The following RNF220 variants were observed in gnomAD, a reference collection of about 807,000 sequenced individuals.
The protein encoded by RNF220 is E3 ubiquitin-protein ligase RNF220.
A neutral mutation model predicts 67.1 loss-of-function variants in RNF220; 7 were observed. The ratio of observed to expected loss-of-function variants is 0.10; its 90% CI spans 0.06 to 0.20. The LOEUF (loss-of-function observed/expected upper bound fraction) is 0.20. Ranked by LOEUF, RNF220 falls within the 10% of genes least tolerant of loss-of-function variation. RNF220 has a pLI of 1.00. For missense variants in RNF220, 565 were observed against 740.3 expected (o/e 0.76, Z 2.75); for synonymous variants, 270 against 283.2 (o/e 0.95, Z 0.47).
In RNF220 at chr1:44,499,303, C is replaced by T. The variant is rs539946689; in HGVS notation, c.625+86581C>T. Among the ~76,000 whole-genome samples the T allele has an allele frequency of 1.9e-4, 29 of 152,202 alleles. No homozygotes were observed. In the South Asian group the frequency reaches 6.0e-3, roughly 32 times the overall value. The stretch of plus-strand genomic sequence containing the variant: ...TAGCTACCTCTCCATTTCTCTGTTC[C>T]CCTTTAGGTCACCCCCTCTCCTTTC... On this transcript the variant is annotated intron_variant, in intron 2 of 14. Coordinates refer to ENST00000361799, the MANE Select transcript of RNF220 (RefSeq NM_018150.4).
intron 2 of RNF220, among the ~76,000 whole-genome samples, chr1:44,514,311 C>G (rs1238535425): frequency 6.6e-6 from 1 of 152,178 alleles, no homozygotes; most frequent in Admixed American, 6.5e-5. Context: ...GAAGCCCGTG[C>G]CTTCCTGAGT....
chr1:44,597,258 C>T (rs773188189), intron 2 of RNF220, among the ~76,000 whole-genome samples: 1 of 151,994 alleles, frequency 6.6e-6, no homozygotes, highest in African/African-American at 2.4e-5. Flanking sequence ...CTAGCAGATG[C>T]TCCGTAATAA....
Position 44,600,358 on chromosome 1 carries a change from T to C in RNF220, c.626-13807T>C, listed in dbSNP as rs750409902. Among the ~76,000 whole-genome samples, 1 of 152,078 alleles carries C rather than the reference T, an allele frequency of 6.6e-6. No individual in the cohort carries two copies. The highest frequency in any genetic ancestry group is 1.5e-5 in the Non-Finnish European group (1 of 68,020). ...GAGTGTGGAGAGAGGGAGAAGTGAA[T>C]GATGACAAGGGCAATAGCTAACATC... is the stretch of plus-strand genomic sequence containing the variant. On this transcript the variant is annotated intron_variant, in intron 2 of 14. Transcript: ENST00000361799. This position sits in a 1 kb window ranked among gnomAD's most constrained non-coding sequence, Gnocchi z 4.0.
intron 2 of RNF220, among the ~76,000 whole-genome samples, chr1:44,442,500 GCAC>G (rs1651663337): frequency 7.1e-6 from 1 of 140,390 alleles, no homozygotes; most frequent in Admixed American, 7.8e-5. Context: ...CCCCGCTGCC[GCAC>G]CACTCACACT....
chr1:44,450,630 A>C (rs956823533), intron 2 of RNF220, among the ~76,000 whole-genome samples: 1 of 152,186 alleles, frequency 6.6e-6, no homozygotes, highest in African/African-American at 2.4e-5. Context: ...TTTCCATGTC[A>C]GTACATAATA....
At chr1:44,447,031 G>A (rs536748356) in intron 2 of RNF220, among the ~76,000 whole-genome samples, 24 of 152,250 alleles carry the variant, frequency 1.6e-4, no homozygotes, top group African/African-American at 5.3e-4. Flanking sequence ...GAGCAATAGT[G>A]AAATTAATTA....
chr1:44,595,708 T>C (rs533413429), intron 2 of RNF220, among the ~76,000 whole-genome samples: 3 of 152,214 alleles, frequency 2.0e-5, no homozygotes, highest in Non-Finnish European at 4.4e-5. Flanking sequence ...ATCAAGCAGA[T>C]GCCCTGTGAG....
intron 2 of RNF220, among the ~76,000 whole-genome samples, chr1:44,487,466 G>A (rs1656414534): frequency 6.6e-6 from 1 of 151,678 alleles, no homozygotes. Flanking sequence ...GGTTTTGAGA[G>A]TAAAGTCTCA....
At chr1:44,421,154 G>A (rs926973927) in intron 2 of RNF220, among the ~76,000 whole-genome samples, 1 of 152,132 alleles carries the variant, frequency 6.6e-6, no homozygotes, top group African/African-American at 2.4e-5. Context: ...GGTAATAGTC[G>A]AGTTAGAGAA....
rs139335049 is a variant in RNF220 at position 44,489,694 on chromosome 1, C to T, written c.625+76972C>T. Among the ~76,000 whole-genome samples, 800 of 152,304 alleles carry T rather than the reference C, an allele frequency of 5.3e-3. 4 individuals are homozygous for T. The highest frequency in any genetic ancestry group is 6.5e-3 in the Non-Finnish European group (443 of 68,028). On this transcript the variant is annotated intron_variant, in intron 2 of 14. Transcript: ENST00000361799. Reference sequence around the variant, plus strand: ...GGTGCATTCCTTTGGCTTTGATTCACGCCCATTCCTGAACCAATCATTGAG... The same window carrying T: ...GGTGCATTCCTTTGGCTTTGATTCATGCCCATTCCTGAACCAATCATTGAG...
At chr1:44,586,723 G>A (rs912112682) in intron 2 of RNF220, among the ~76,000 whole-genome samples, 11 of 152,200 alleles carry the variant, frequency 7.2e-5, no homozygotes, top group South Asian at 2.1e-4. Context: ...AGAAAGGACC[G>A]CTCTCGTGGC....
chr1:44,467,355 G>C (rs534549048), intron 2 of RNF220, among the ~76,000 whole-genome samples: 1 of 152,216 alleles, frequency 6.6e-6, no homozygotes, highest in Non-Finnish European at 1.5e-5. Flanking sequence ...GGGATTACAG[G>C]CATGCGCCAC....
chr1:44,636,300 G>C, intron 8 of RNF220, 138 bp downstream of exon 8: 2 of 1,105,540 alleles, frequency 1.8e-6, no homozygotes, highest in Non-Finnish European at 2.7e-6. Flanking sequence ...TGCTGGTGGG[G>C]CTCCTTTGTG....
chr1:44,511,229 G>C lies in RNF220; in HGVS notation c.625+98507G>C, dbSNP rs537272940. On this transcript the variant is annotated intron_variant, in intron 2 of 14. Transcript: ENST00000361799. ...TGCCTGCTGGAATAGCTTTGGGTGA[G>C]GTCACCATAGTTTTCTACAAGATAA... Among the ~76,000 whole-genome samples, 4 of 152,322 alleles carry C rather than the reference G, an allele frequency of 2.6e-5. No homozygotes were observed. In the East Asian group the frequency reaches 7.7e-4, roughly 29 times the overall value.
intron 2 of RNF220, among the ~76,000 whole-genome samples, chr1:44,509,916 GAAAGAAAGAA>G (rs1658831975): frequency 1.4e-5 from 2 of 139,806 alleles, no homozygotes; most frequent in South Asian, 2.3e-4. Flanking sequence ...AGGAAGGAAG[GAAAGAAAGAA>G]AAGGAAAAGA....
chr1:44,581,788 T>G (rs868447200), intron 2 of RNF220, among the ~76,000 whole-genome samples: 15 of 152,288 alleles, frequency 9.8e-5, no homozygotes, highest in Middle Eastern at 3.4e-3. Flanking sequence ...TCTCTATTCA[T>G]TCCTCTTTGG....
intron 2 of RNF220, among the ~76,000 whole-genome samples, chr1:44,466,175 CA>C (rs1557952487): frequency 1.3e-5 from 2 of 152,144 alleles, no homozygotes; most frequent in African/African-American, 4.8e-5. Context: ...ACATCTTCAC[CA>C]GGAAGTGGAT....
chr1:44,447,696 A>G (rs561535289), intron 2 of RNF220, among the ~76,000 whole-genome samples: 3 of 152,234 alleles, frequency 2.0e-5, no homozygotes, highest in Admixed American at 6.5e-5. Context: ...AACCCTCACC[A>G]TAAGCCAGTG....
chr1:44,556,749 C>T (rs540048472), intron 2 of RNF220, among the ~76,000 whole-genome samples: 6 of 151,992 alleles, frequency 3.9e-5, no homozygotes, highest in Non-Finnish European at 7.4e-5. Flanking sequence ...TTAGTAGAGA[C>T]GGGGTTTCAC....
Sources: gnomAD v4.1 joint callset for allele counts (sites outside exome capture counted in the v4.1 genomes callset) on GRCh38, gnomAD v4.1.1 for gene constraint, Gnocchi (gnomAD v3.1) non-coding constraint, MANE v1.5 for transcripts, NCBI Gene and HGNC (gene_info 2026-07-23, HGNC 2026-07-21) for gene names.